Variants in QRICH1 observed in about 807,000 individuals in gnomAD.
QRICH1 encodes glutamine rich 1.
In QRICH1, 16 loss-of-function variants were observed where a neutral mutation model predicts 87.1. The ratio of observed to expected loss-of-function variants is 0.18; its 90% confidence interval spans 0.12 to 0.28. The LOEUF is 0.28. QRICH1 is among the 10% of genes least tolerant of loss of function. The pLI, the probability that QRICH1 is intolerant of heterozygous loss-of-function variation, is 1.00. For missense variants in QRICH1, 647 were observed against 951.7 expected, an observed-to-expected ratio of 0.68 and a Z score of 4.21; for synonymous variants, 367 against 368.4, an observed-to-expected ratio of 1.00 and a Z score of 0.05.
intron 3 of QRICH1, among the ~76,000 whole-genome samples, chr3:49,054,427 CCA>C (rs1438611925): frequency 6.6e-6 from 1 of 152,172 alleles, no homozygotes; most frequent in African/African-American, 2.4e-5. Flanking sequence ...TGATTTCCTA[CCA>C]CAGATTAGAT....
intron 6 of QRICH1, among the ~76,000 whole-genome samples, chr3:49,036,548 A>C (rs939114157): frequency 1.2e-4 from 19 of 152,362 alleles, no homozygotes; most frequent in Admixed American, 1.2e-3. Flanking sequence ...AGATGACTGC[A>C]AACAGCTGAA....
chr3:49,087,705 C>A (rs58666558), intron 1 of QRICH1, among the ~76,000 whole-genome samples: 1 of 147,920 alleles, frequency 6.8e-6, no homozygotes, highest in African/African-American at 2.5e-5. Flanking sequence ...GAAACCCCAT[C>A]TCTACTAAAA....
At chr3:49,064,675 C>T (rs1389304038) in intron 2 of QRICH1, among the ~76,000 whole-genome samples, 1 of 151,972 alleles carries the variant, frequency 6.6e-6, no homozygotes, top group Admixed American at 6.6e-5. Context: ...ACCATCCTGG[C>T]TAACACGGTG....
In QRICH1 at chr3:49,039,922, C is replaced by T. The variant is rs12637840; in HGVS notation, c.1786+4468G>A. Among the ~76,000 whole-genome samples, 627 of 151,738 alleles carry T rather than the reference C, an allele frequency of 4.1e-3. 16 individuals are homozygous for T. In the East Asian group the frequency reaches 0.065, roughly 16 times the overall value. On this transcript the variant is annotated intron_variant, in intron 6 of 9. Transcript: ENST00000395443. Reference sequence around the variant, plus strand: ...TAAAAATACAAAAAAATTAGCTGGGCGTGGGGCACATGCCTGTATTCCCAG... The same window carrying T: ...TAAAAATACAAAAAAATTAGCTGGGTGTGGGGCACATGCCTGTATTCCCAG...
intron 2 of QRICH1, among the ~76,000 whole-genome samples, chr3:49,064,075 TTTC>T (rs2093451755): frequency 6.6e-6 from 1 of 150,802 alleles, no homozygotes; most frequent in Non-Finnish European, 1.5e-5. Context: ...CCTGGCTGGT[TTTC>T]TTTTGTTGTT....
chr3:49,030,737 A>C lies in QRICH1; in HGVS notation c.2139-93T>G, dbSNP rs140225067. 3 of 1,123,082 alleles carry C rather than the reference A, an allele frequency of 2.7e-6. No individual in the cohort carries two copies. In the African/African-American group the frequency reaches 4.9e-5, roughly 18 times the overall value. The allele number at this position is 1,123,082 out of a possible 1,614,324, so 69.6% of individuals were successfully genotyped here. A position where few individuals can be genotyped will look rare whatever the true frequency, so the allele number is the denominator to read the frequency against. ...CAGACAGATGCTGTCTGCAAACAGT[A>C]AGGCCCCAAGTTATTGTGGCACAGC... On this transcript the variant is annotated intron_variant, in intron 9 of 9. Transcript: ENST00000395443.
chr3:49,030,163 A>C lies in QRICH1; in HGVS notation c.*289T>G. ...GGGGCCACATTTCTTTTCACAGTCC[A>C]AGCCCTTTCCCCAGGCCCCAGACAA... is the stretch of plus-strand genomic sequence containing the variant. On this transcript the variant is annotated 3_prime_UTR_variant, in exon 10 of 10. Transcript: ENST00000395443. 2.0e-6 allele frequency: 1 copy of C among 504,152 alleles called. No homozygotes were observed. The highest frequency in any genetic ancestry group is 3.1e-5 in the South Asian group (1 of 32,162). 31.2% of individuals were successfully genotyped at this position (504,152 alleles called of 1,614,324 possible). A position where few individuals can be genotyped will look rare whatever the true frequency, so the allele number is the denominator to read the frequency against.
chr3:49,085,134 C>T (rs2042144181), intron 1 of QRICH1, among the ~76,000 whole-genome samples: 1 of 151,564 alleles, frequency 6.6e-6, no homozygotes, highest in Admixed American at 6.6e-5. Context: ...CAGAGCAAGA[C>T]TCCGTCTCAA....
Position 49,055,665 on chromosome 3 carries a change from A to G in QRICH1, c.1338+1197T>C, listed in dbSNP as rs1053166410. On this transcript the variant is annotated intron_variant, in intron 3 of 9. Coordinates refer to ENST00000395443, the MANE Select transcript of QRICH1 (RefSeq NM_198880.3). ...GGCAACTGCCACTGCACCCAGCACT[A>G]ATAGTTTTTTTGTTTGTTTGTTTTG... Among the ~76,000 whole-genome samples, 6 of 151,928 alleles carry G rather than the reference A, an allele frequency of 3.9e-5. No homozygotes were observed. The South Asian group carries it at 1.3e-3, about 32-fold the overall frequency.
chr3:49,080,713 G>A (rs1434358792), intron 1 of QRICH1, among the ~76,000 whole-genome samples: 2 of 151,752 alleles, frequency 1.3e-5, no homozygotes, highest in Admixed American at 6.6e-5. Context: ...TAATTTCACC[G>A]ACTTTTCTTC....
At chr3:49,082,233 A>G (rs991487622) in intron 1 of QRICH1, among the ~76,000 whole-genome samples, 8 of 152,202 alleles carry the variant, frequency 5.3e-5, no homozygotes, top group African/African-American at 1.9e-4. Flanking sequence ...CACTGCGCCC[A>G]GCAAGGTGTC....
At chr3:49,033,341 G>T in intron 6 of QRICH1, 113 bp from the exon 7 acceptor site, 1 of 568,740 alleles carries the variant, frequency 1.8e-6, no homozygotes, top group Non-Finnish European at 2.8e-6. Flanking sequence ...TTCATCAGGG[G>T]ACTCTCCCTA....
At chr3:49,055,475 G>C (rs1160613516) in intron 3 of QRICH1, among the ~76,000 whole-genome samples, 1 of 152,158 alleles carries the variant, frequency 6.6e-6, no homozygotes, top group African/African-American at 2.4e-5. Context: ...CCAGGCTCAT[G>C]CAACCCTCGC....
intron 8 of QRICH1, 130 bp downstream of exon 8, chr3:49,032,492 G>A (rs2093247535): frequency 3.2e-6 from 4 of 1,255,000 alleles, no homozygotes; most frequent in South Asian, 3.0e-5. Flanking sequence ...TTTGGCTGGG[G>A]AGAAGGGAGT....
chr3:49,046,397 C>A, intron 5 of QRICH1, 28 bp downstream of exon 5: 3 of 1,598,542 alleles, frequency 1.9e-6, no homozygotes, highest in Non-Finnish European at 2.6e-6. Context: ...ACAGCTCAAA[C>A]ATGTTCTTGT....
rs186360806 is a variant in QRICH1, at chr3:49,088,444, C to T, written c.-22+5468G>A. 6.6e-5 allele frequency among the ~76,000 whole-genome samples: 10 copies of T among 151,762 alleles called. No homozygotes were observed. The East Asian group carries it at 1.8e-3, about 27-fold the overall frequency. On this transcript the variant is annotated intron_variant, in intron 1 of 9. Coordinates refer to ENST00000395443, the MANE Select transcript of QRICH1 (RefSeq NM_198880.3). ...CCTAGTAGCTTGAACTACAGGCGCA[C>T]GCCACCCAGCCCAGCTAATTTTTTT...
intron 1 of QRICH1, among the ~76,000 whole-genome samples, chr3:49,082,964 T>TGG (rs977484098): frequency 1.4e-4 from 21 of 150,580 alleles, no homozygotes; most frequent in African/African-American, 5.1e-4. Context: ...CTATGGACTT[T>TGG]GGGGGGCCAA....
intron 7 of QRICH1, 171 bp downstream of exon 7, chr3:49,032,949 G>C: frequency 2.1e-6 from 2 of 951,396 alleles, no homozygotes; most frequent in South Asian, 3.7e-5. Context: ...GTAGGGGTCT[G>C]GCAAGGGTGT....
chr3:49,048,743 G>C (rs547862628), intron 3 of QRICH1, among the ~76,000 whole-genome samples: 1 of 127,774 alleles, frequency 7.8e-6, no homozygotes, highest in South Asian at 2.6e-4. Context: ...AGCCGAGATC[G>C]CACCACTGTA....
Sources: gnomAD v4.1 joint callset for allele counts (sites outside exome capture counted in the v4.1 genomes callset) on GRCh38, gnomAD v4.1.1 for gene constraint, MANE v1.5 for transcripts, NCBI Gene and HGNC (gene_info 2026-07-23, HGNC 2026-07-21) for gene names.